Variants in PPFIA2 observed in about 807,000 individuals in gnomAD.
PPFIA2 encodes the protein liprin-alpha-2.
A neutral mutation model predicts 175.5 loss-of-function variants in PPFIA2; 46 were observed. That is an observed-to-expected ratio of 0.26 (90% confidence interval 0.21 to 0.34). PPFIA2 has a LOEUF of 0.34. PPFIA2 is among the 10% of genes least tolerant of loss of function. PPFIA2 has a pLI of 1.00. For synonymous variants in PPFIA2, 568 were observed against 511.4 expected, an observed-to-expected ratio of 1.11 and a Z score of -1.49; for missense variants, 1,179 against 1,506.1, an observed-to-expected ratio of 0.78 and a Z score of 3.60.
chr12:81,629,850 G>A (rs2063159577), intron 4 of PPFIA2, among the ~76,000 whole-genome samples: 1 of 152,086 alleles, frequency 6.6e-6, no homozygotes, highest in Non-Finnish European at 1.5e-5. Flanking sequence ...TTCTCAAAGA[G>A]GTCCACATCC....
chr12:81,662,404 C>G (rs1338603960), intron 4 of PPFIA2, among the ~76,000 whole-genome samples: 1 of 152,172 alleles, frequency 6.6e-6, no homozygotes, highest in East Asian at 1.9e-4. Flanking sequence ...AAACTACCAT[C>G]AGAGAATACT....
Position 81,328,735 on chromosome 12 carries a change from T to C in PPFIA2, c.2549-2865A>G, listed in dbSNP as rs544739720. ...TGGGTATTATAATGATTGGCACATA[T>C]TGGACAGGGGACAAGGATTCTAAAC... On this transcript the variant is annotated intron_variant, in intron 21 of 32. Coordinates refer to ENST00000549396, the MANE Select transcript of PPFIA2 (RefSeq NM_003625.5). Among the ~76,000 whole-genome samples the C allele has an allele frequency of 2.0e-5, 3 of 152,168 alleles. No individual in the cohort carries two copies. The South Asian group carries it at 6.2e-4, about 32-fold the overall frequency.
chr12:81,753,587 A>C (rs1032746114), intron 3 of PPFIA2, among the ~76,000 whole-genome samples: 47 of 152,192 alleles, frequency 3.1e-4, no homozygotes, highest in African/African-American at 1.1e-3. Context: ...TTCAAAGACC[A>C]CACAACTGAA....
intron 4 of PPFIA2, among the ~76,000 whole-genome samples, chr12:81,562,795 C>G (rs2070417189): frequency 8.0e-6 from 1 of 125,748 alleles, no homozygotes; most frequent in South Asian, 2.6e-4. Flanking sequence ...TGCAGTGAGC[C>G]GAGATCCCGC....
intron 21 of PPFIA2, among the ~76,000 whole-genome samples, chr12:81,332,556 GA>G (rs774964095): frequency 1.8e-4 from 28 of 152,056 alleles, no homozygotes; most frequent in Non-Finnish European, 3.5e-4. Context: ...TCTTGTATTA[GA>G]AAAATTATAA....
At chr12:81,462,254 CATATATAT>C (rs71871906) in intron 4 of PPFIA2, among the ~76,000 whole-genome samples, 2 of 132,856 alleles carry the variant, frequency 1.5e-5, no homozygotes, top group Admixed American at 7.8e-5. Flanking sequence ...GCTTTTCTAA[CATATATAT>C]ATATATATAT....
At chr12:81,471,151 A>ATTTAT in intron 4 of PPFIA2, 1 of 127,668 alleles carries the variant, frequency 7.8e-6, no homozygotes. Flanking sequence ...TTATTTATTT[A>ATTTAT]TTTGAGACAG....
intron 4 of PPFIA2, among the ~76,000 whole-genome samples, chr12:81,530,331 A>T (rs1567205188): frequency 6.6e-6 from 1 of 151,994 alleles, no homozygotes; most frequent in Non-Finnish European, 1.5e-5. Flanking sequence ...TATCCTGAAA[A>T]TTTGGAGCTT....
At chr12:81,615,354 C>T (rs1429067096) in intron 4 of PPFIA2, among the ~76,000 whole-genome samples, 2 of 152,112 alleles carry the variant, frequency 1.3e-5, no homozygotes, top group Non-Finnish European at 2.9e-5. Flanking sequence ...TGTCACATAG[C>T]CAGGTGGATA....
chr12:81,279,827 C>T (rs1161432855), intron 27 of PPFIA2, among the ~76,000 whole-genome samples: 1 of 152,150 alleles, frequency 6.6e-6, no homozygotes. Context: ...GGAGCTCACT[C>T]ACTACCTCAC....
intron 11 of PPFIA2, among the ~76,000 whole-genome samples, chr12:81,371,779 A>C (rs2035164111): frequency 6.6e-6 from 1 of 151,804 alleles, no homozygotes; most frequent in Non-Finnish European, 1.5e-5. Flanking sequence ...GGGAGCCCAA[A>C]GTAATCTTTA....
At chr12:81,271,593 C>T (rs1260691950) in intron 28 of PPFIA2, among the ~76,000 whole-genome samples, 5 of 152,054 alleles carry the variant, frequency 3.3e-5, no homozygotes, top group African/African-American at 9.7e-5. Context: ...TATATTTACA[C>T]TTTATATTAT....
intron 3 of PPFIA2, among the ~76,000 whole-genome samples, chr12:81,742,166 C>T (rs12301037): frequency 6.6e-6 from 1 of 152,166 alleles, no homozygotes; most frequent in South Asian, 2.1e-4. Flanking sequence ...CAAATGTTAA[C>T]ATTGTAGGCC....
chr12:81,501,652 T>C (rs1293039002), intron 4 of PPFIA2, among the ~76,000 whole-genome samples: 2 of 152,198 alleles, frequency 1.3e-5, no homozygotes, highest in Non-Finnish European at 2.9e-5. Context: ...TGTATTATTA[T>C]TACCCAATAA....
intron 7 of PPFIA2, among the ~76,000 whole-genome samples, chr12:81,429,759 C>CT (rs2047760301): frequency 6.6e-6 from 1 of 151,920 alleles, no homozygotes. Context: ...AATAAAATAA[C>CT]TTTATAGATT....
chr12:81,459,316 T>C (rs1238993959), intron 4 of PPFIA2, among the ~76,000 whole-genome samples: 1 of 152,156 alleles, frequency 6.6e-6, no homozygotes, highest in Non-Finnish European at 1.5e-5. Flanking sequence ...TTTCTTCATA[T>C]ACAGCATAGT....
At chr12:81,551,671 T>C (rs959031470) in intron 4 of PPFIA2, among the ~76,000 whole-genome samples, 1 of 151,970 alleles carries the variant, frequency 6.6e-6, no homozygotes, top group Non-Finnish European at 1.5e-5. Context: ...AAATCTTATG[T>C]TTTTATAGTT....
At chr12:81,642,810 T>TTATA (rs756093598) in intron 4 of PPFIA2, among the ~76,000 whole-genome samples, 19,227 of 24,658 alleles carry the variant, frequency 0.78, 8,884 homozygotes, top group African/African-American at 0.9. Flanking sequence ...TATGTATGTA[T>TTATA]TACATACATG....
chr12:81,615,757 C>T (rs1240186808), intron 4 of PPFIA2, among the ~76,000 whole-genome samples: 2 of 152,052 alleles, frequency 1.3e-5, no homozygotes, highest in Non-Finnish European at 2.9e-5. Flanking sequence ...TATTCTTATG[C>T]AACACTTTTT....
Sources: allele counts gnomAD v4.1 joint callset (sites outside exome capture counted in the v4.1 genomes callset), GRCh38; gene constraint gnomAD v4.1.1; transcripts MANE v1.5; gene names NCBI Gene and HGNC (gene_info 2026-07-23, HGNC 2026-07-21).